The following WWOX variants were observed in gnomAD, a reference collection of about 807,000 sequenced individuals.
WWOX encodes WW domain-containing oxidoreductase.
Under a neutral mutation model 46.2 loss-of-function variants are expected in WWOX, and 69 were observed. The ratio of observed to expected loss-of-function variants is 1.49; its 90% CI spans 1.23 to 1.82. The LOEUF is 1.82. Ranked by LOEUF, WWOX falls within the 40% of genes most tolerant of loss-of-function variation. WWOX has a pLI of 0.00. For missense variants in WWOX, 919 were observed against 542.6 expected (o/e 1.69, Z -6.89); for synonymous variants, 359 against 202.6 (o/e 1.77, Z -6.56).
chr16:78,937,288 A>T (rs564045433), intron 8 of WWOX, among the ~76,000 whole-genome samples: 3 of 152,218 alleles, frequency 2.0e-5, no homozygotes, highest in African/African-American at 7.2e-5. Context: ...GTTTACCCTG[A>T]TTCTCCAATA....
intron 8 of WWOX, among the ~76,000 whole-genome samples, chr16:79,153,097 C>T (rs541912631): frequency 6.6e-6 from 1 of 152,144 alleles, no homozygotes; most frequent in African/African-American, 2.4e-5. Flanking sequence ...AATCCAAACT[C>T]ACTTGAGTAC....
intron 8 of WWOX, among the ~76,000 whole-genome samples, chr16:78,849,786 G>A (rs1015351358): frequency 6.6e-6 from 1 of 151,198 alleles, no homozygotes; most frequent in Non-Finnish European, 1.5e-5. Context: ...TAGAGTGATA[G>A]GCTGGGCTGG....
chr16:78,572,519 C>G (rs572997425), intron 8 of WWOX, among the ~76,000 whole-genome samples: 1 of 139,308 alleles, frequency 7.2e-6, no homozygotes. Context: ...GGGAGGACCT[C>G]TTGAGCCGGG....
At chr16:78,711,900 A>T (rs938234918) in intron 8 of WWOX, among the ~76,000 whole-genome samples, 7 of 152,158 alleles carry the variant, frequency 4.6e-5, no homozygotes, top group Non-Finnish European at 8.8e-5. Flanking sequence ...ATCTAAATTA[A>T]TCCAAATTCA....
intron 8 of WWOX, among the ~76,000 whole-genome samples, chr16:78,458,213 C>A (rs1009779265): frequency 6.6e-6 from 1 of 151,474 alleles, no homozygotes; most frequent in South Asian, 2.1e-4. Context: ...ATATATTCTG[C>A]CCACTTCTAT....
intron 8 of WWOX, among the ~76,000 whole-genome samples, chr16:79,070,548 C>G (rs1199571351): frequency 1.3e-5 from 2 of 152,112 alleles, no homozygotes; most frequent in African/African-American, 4.8e-5. Context: ...ATGAGCAAAG[C>G]TCCTTGGCAA....
chr16:78,860,910 G>A (rs2043870515), intron 8 of WWOX, among the ~76,000 whole-genome samples: 1 of 152,116 alleles, frequency 6.6e-6, no homozygotes, highest in Non-Finnish European at 1.5e-5. Context: ...CAACCTCCCA[G>A]GCCCAGGTGA....
intron 8 of WWOX, among the ~76,000 whole-genome samples, chr16:78,670,908 C>T (rs1191338119): frequency 6.6e-6 from 1 of 151,886 alleles, no homozygotes; most frequent in Non-Finnish European, 1.5e-5. Flanking sequence ...TAAGAATGTC[C>T]TTAGCAGAGA....
chr16:78,922,305 C>G (rs1279772320), intron 8 of WWOX, among the ~76,000 whole-genome samples: 1 of 152,014 alleles, frequency 6.6e-6, no homozygotes, highest in African/African-American at 2.4e-5. Flanking sequence ...TTAAGAGTCT[C>G]CAGAGTATGA....
intron 8 of WWOX, among the ~76,000 whole-genome samples, chr16:78,610,823 T>G (rs1030172655): frequency 6.6e-6 from 1 of 152,126 alleles, no homozygotes; most frequent in African/African-American, 2.4e-5. Flanking sequence ...ATTATCATTA[T>G]TATTATTAAT....
chr16:79,079,785 C>T (rs144129535), intron 8 of WWOX, among the ~76,000 whole-genome samples: 135 of 152,300 alleles, frequency 8.9e-4, no homozygotes, highest in African/African-American at 3.0e-3. Context: ...ACAAATTCTG[C>T]AAGCATGTAT....
At chr16:78,844,751 T>C (rs2142335) in intron 8 of WWOX, among the ~76,000 whole-genome samples, 9,461 of 152,286 alleles carry the variant, frequency 0.062, 962 homozygotes, top group African/African-American at 0.22. Context: ...GAAACCCCAG[T>C]GCCATCCTCC....
chr16:78,273,765 G>T (rs573878896), intron 5 of WWOX, among the ~76,000 whole-genome samples: 1 of 152,344 alleles, frequency 6.6e-6, no homozygotes, highest in East Asian at 1.9e-4. Flanking sequence ...GGTGAATGGA[G>T]AAGGAAGGAC....
chr16:79,196,756 C>T (rs1002435304), intron 8 of WWOX, among the ~76,000 whole-genome samples: 4 of 151,926 alleles, frequency 2.6e-5, no homozygotes, highest in Non-Finnish European at 4.4e-5. Context: ...TTTGTTACAA[C>T]ATGTAGATTT....
chr16:79,073,425 C>T (rs904913051), intron 8 of WWOX, among the ~76,000 whole-genome samples: 2 of 152,054 alleles, frequency 1.3e-5, no homozygotes, highest in South Asian at 4.1e-4. Flanking sequence ...GGTGATCCAC[C>T]CAACTCGGCC....
At chr16:78,603,819 A>C (rs1021423595) in intron 8 of WWOX, among the ~76,000 whole-genome samples, 7 of 152,210 alleles carry the variant, frequency 4.6e-5, no homozygotes, top group Non-Finnish European at 1.5e-5. Flanking sequence ...ACCACTCTCC[A>C]TCTGACTCAG....
At chr16:79,056,870 C>T (rs1597332712) in intron 8 of WWOX, among the ~76,000 whole-genome samples, 3 of 152,196 alleles carry the variant, frequency 2.0e-5, no homozygotes, top group South Asian at 2.1e-4. Flanking sequence ...AGCTAAAGAG[C>T]CTTTCAGGCA....
At chr16:79,062,163 C>T (rs543492312) in intron 8 of WWOX, among the ~76,000 whole-genome samples, 14 of 152,182 alleles carry the variant, frequency 9.2e-5, no homozygotes, top group Admixed American at 5.9e-4. Flanking sequence ...ACTGGGGGCC[C>T]CAGACTCAAG....
intron 8 of WWOX, among the ~76,000 whole-genome samples, chr16:79,054,926 G>A (rs896566480): frequency 2.6e-5 from 4 of 152,208 alleles, no homozygotes; most frequent in Admixed American, 6.5e-5. Context: ...AAAAGCAATT[G>A]CAGCAAATAC....
Sources: allele counts gnomAD v4.1 joint callset (sites outside exome capture counted in the v4.1 genomes callset), GRCh38; gene constraint gnomAD v4.1.1; transcripts MANE v1.5; gene names NCBI Gene and HGNC (gene_info 2026-07-23, HGNC 2026-07-21).